Variants in SLC18A1 observed in about 807,000 individuals in gnomAD.
SLC18A1 encodes solute carrier family 18 member A1.
Under a neutral mutation model 53.7 loss-of-function variants are expected in SLC18A1, and 69 were observed. The ratio of observed to expected loss-of-function variants is 1.28; its 90% CI spans 1.06 to 1.57. The LOEUF (loss-of-function observed/expected upper bound fraction) is 1.57, where lower values mean the gene tolerates loss of function less well. Ranked by LOEUF, SLC18A1 falls within the 40% of genes most tolerant of loss-of-function variation. The pLI is 0.00. For missense variants in SLC18A1, 932 were observed against 668.1 expected (o/e 1.40, Z -4.35); for synonymous variants, 320 against 248.1 (o/e 1.29, Z -2.72).
In SLC18A1 at chr8:20,171,445, T is replaced by G. The variant is rs751410856; in HGVS notation, c.774A>C (p.Ala258=). 8.7e-6 allele frequency: 14 copies of G among 1,613,952 alleles called. No individual in the cohort carries two copies. In the South Asian group the frequency reaches 1.3e-4, roughly 15 times the overall value. The change falls in exon 7 of 16, where the codon GCA becomes GCC. Residue 258 remains alanine (A), a synonymous_variant. Transcript: ENST00000276373. ...CCAGGAAGGCCAGGATGAGGAAGGG[T>G]GCAGACTTCCCAACAAACTCGTACA... The part of the protein sequence containing the change: ...SVMYEFVGKS[A]PFLILAFLAL...
intron 4 of SLC18A1, among the ~76,000 whole-genome samples, chr8:20,174,984 A>C (rs768078024): frequency 1.8e-4 from 27 of 152,224 alleles, no homozygotes; most frequent in Non-Finnish European, 4.4e-5. Context: ...TTTTAACCAG[A>C]CAAAATCAGC....
intron 10 of SLC18A1, among the ~76,000 whole-genome samples, chr8:20,163,503 G>C (rs7010970): frequency 0.023 from 3,494 of 152,098 alleles, 148 homozygotes; most frequent in African/African-American, 0.081. Flanking sequence ...TATATGGTGG[G>C]CCACATAGCA....
chr8:20,179,549 A>T, intron 2 of SLC18A1, 65 bp from the exon 3 acceptor site: 1 of 1,540,938 alleles, frequency 6.5e-7, no homozygotes, highest in Non-Finnish European at 8.8e-7. Context: ...CTGAAACTCA[A>T]GGGGCTAAGG....
At chr8:20,180,083 C>T (rs2072384602) in intron 2 of SLC18A1, among the ~76,000 whole-genome samples, 3 of 148,778 alleles carry the variant, frequency 2.0e-5, no homozygotes, top group African/African-American at 7.6e-5. Flanking sequence ...CGATGTACCA[C>T]GATGTTTAAG....
rs1236219051 is a variant in SLC18A1 at position 20,173,048 on chromosome 8, A to G, written c.712T>C (p.Leu238=). The change falls in exon 6 of 16, where the codon TTG becomes CTG. Residue 238 remains leucine, a synonymous_variant. Transcript: ENST00000276373. ...TGGTGCCACTTACCCAGCAACCCCA[A>G]GGCCAGGCCCCCCAGAGCAGTTCCC... ...AMGTALGGLA[L]GLLVGAPFGS... 1.3e-6 allele frequency: 2 copies of G among 1,588,610 alleles called. No individual in the cohort carries two copies. The highest frequency in any genetic ancestry group is 3.5e-5 in the Admixed American group (2 of 56,452).
chr8:20,170,581 C>A (rs2072087626), intron 8 of SLC18A1, among the ~76,000 whole-genome samples: 1 of 151,792 alleles, frequency 6.6e-6, no homozygotes, highest in Admixed American at 6.6e-5. Flanking sequence ...CAAGTACCAA[C>A]TCTGATATTT....
In SLC18A1 at chr8:20,171,428, G is replaced by A; in HGVS notation, c.791C>T (p.Ala264Val). 6.2e-7 allele frequency: 1 copy of A among 1,614,068 alleles called. No individual in the cohort carries two copies. The highest frequency in any genetic ancestry group is 8.5e-7 in the Non-Finnish European group (1 of 1,179,946). ...ACCTCCATCCAGTAGTGCCAGGAAG[G>A]CCAGGATGAGGAAGGGTGCAGACTT... The part of the protein sequence containing the change: ...VGKSAPFLIL[A>V]FLALLDGALQ... Residue 264 changes from alanine (A) to valine (V), a missense_variant, in exon 7 of 16, where the codon GCC becomes GTC. Coordinates refer to ENST00000276373, the MANE Select transcript of SLC18A1 (RefSeq NM_003053.4).
intron 1 of SLC18A1, among the ~76,000 whole-genome samples, chr8:20,181,481 A>G (rs1329786194): frequency 1.3e-5 from 2 of 152,008 alleles, no homozygotes; most frequent in African/African-American, 4.8e-5. Context: ...GTATGGTGGG[A>G]TGTGCCTGGA....
At chr8:20,174,330 G>C in intron 5 of SLC18A1, 31 bp downstream of exon 5, 1 of 1,449,004 alleles carries the variant, frequency 6.9e-7, no homozygotes, top group East Asian at 2.3e-5. Context: ...ATGCCTGCAT[G>C]TGTGTGTGCA....
chr8:20,179,196 C>T lies in SLC18A1; in HGVS notation c.413G>A (p.Arg138Gln), dbSNP rs148468662. Reference sequence around the variant, plus strand: ...CTTTGAAGCAAACAGAACCCCGACCCGGGTAATCTCTTCCTCCAAGAAACC... The same window carrying T: ...CTTTGAAGCAAACAGAACCCCGACCTGGGTAATCTCTTCCTCCAAGAAACC... ...GTGFLEEEITRVGVLFASKAV... is the reference protein window; with the variant it reads ...GTGFLEEEITQVGVLFASKAV... Residue 138 changes from arginine (R) to glutamine (Q), a missense_variant, in exon 3 of 16, where the codon CGG becomes CAG. Transcript: ENST00000276373. 79 of 1,614,036 alleles carry T rather than the reference C, an allele frequency of 4.9e-5. No homozygotes were observed. Among genetic ancestry groups the T allele is most frequent in the Middle Eastern group, 1.6e-4 (1 of 6,084 alleles).
intron 4 of SLC18A1, among the ~76,000 whole-genome samples, chr8:20,176,085 C>T (rs974080400): frequency 6.6e-6 from 1 of 152,148 alleles, no homozygotes; most frequent in Admixed American, 6.5e-5. Context: ...TTGTCCCCAC[C>T]AAATCTCATG....
chr8:20,170,992 G>A (rs938603835), intron 8 of SLC18A1, 111 bp downstream of exon 8: 28 of 1,030,074 alleles, frequency 2.7e-5, no homozygotes, highest in South Asian at 2.8e-5. Context: ...TCTCACTTTC[G>A]CTGACCCTAT....
In SLC18A1 at chr8:20,150,754, G is replaced by C. The variant is rs370481770; in HGVS notation, c.1016-10C>G. ...GGCAAGAAAGCTAGACCTGTGGAAG[G>C]ACACAGATCCTTACCTTAGGACATG... On this transcript the variant is annotated splice_polypyrimidine_tract_variant and intron_variant, in intron 10 of 15. Coordinates refer to ENST00000276373, the MANE Select transcript of SLC18A1 (RefSeq NM_003053.4). 70 of 1,612,392 alleles carry C rather than the reference G, an allele frequency of 4.3e-5. No individual in the cohort carries two copies. Among genetic ancestry groups the C allele is most frequent in the Non-Finnish European group, 5.8e-5 (68 of 1,178,560 alleles).
intron 8 of SLC18A1, among the ~76,000 whole-genome samples, chr8:20,169,302 C>T (rs1034463430): frequency 1.3e-5 from 2 of 152,104 alleles, no homozygotes; most frequent in African/African-American, 4.8e-5. Flanking sequence ...AAATGTCTTA[C>T]ACAGTCATGG....
chr8:20,164,187 C>T (rs570055606), intron 10 of SLC18A1, among the ~76,000 whole-genome samples: 3 of 152,254 alleles, frequency 2.0e-5, no homozygotes, highest in South Asian at 4.1e-4. Context: ...GCAATTTGCA[C>T]GTAGCCTTCC....
At chr8:20,181,479 G>T (rs1241662045) in intron 1 of SLC18A1, among the ~76,000 whole-genome samples, 1 of 152,160 alleles carries the variant, frequency 6.6e-6, no homozygotes, top group East Asian at 1.9e-4. Context: ...AGGTATGGTG[G>T]GATGTGCCTG....
At chr8:20,162,949 T>G (rs2071865231) in intron 10 of SLC18A1, among the ~76,000 whole-genome samples, 1 of 152,350 alleles carries the variant, frequency 6.6e-6, no homozygotes, top group South Asian at 2.1e-4. Flanking sequence ...CAAGTATTTG[T>G]TATAGCAGCA....
At chr8:20,166,446 C>G (rs1416770939) in intron 8 of SLC18A1, among the ~76,000 whole-genome samples, 1 of 150,612 alleles carries the variant, frequency 6.6e-6, no homozygotes, top group Non-Finnish European at 1.5e-5. Flanking sequence ...AGTGTGCTGC[C>G]TTTCATATAA....
In SLC18A1 at chr8:20,179,025, G is replaced by A; in HGVS notation, c.488+96C>T. 2.1e-6 allele frequency: 3 copies of A among 1,417,376 alleles called. No individual in the cohort carries two copies. In the South Asian group the frequency reaches 4.2e-5, roughly 20 times the overall value. 87.8% of individuals were successfully genotyped at this position (1,417,376 alleles called of 1,614,324 possible). On this transcript the variant is annotated intron_variant, in intron 3 of 15. Transcript: ENST00000276373. ...GACTCCCCTGAGGAATCATACAAGT[G>A]AGTATTTCTTCTTTTTCCCTTCCAA...
Sources: allele counts gnomAD v4.1 joint callset (sites outside exome capture counted in the v4.1 genomes callset), GRCh38; gene constraint gnomAD v4.1.1; transcripts MANE v1.5; gene names NCBI Gene and HGNC (gene_info 2026-07-23, HGNC 2026-07-21).